Variants in CTNND2 observed in about 807,000 individuals in gnomAD.
The protein encoded by CTNND2 is catenin delta 2.
A neutral mutation model predicts 144.4 loss-of-function variants in CTNND2; 22 were observed. That is an observed-to-expected ratio of 0.15 (90% confidence interval 0.11 to 0.22). The LOEUF (loss-of-function observed/expected upper bound fraction) is 0.22, where lower values mean the gene tolerates loss of function less well. Ranked by LOEUF, CTNND2 falls within the 10% of genes least tolerant of loss-of-function variation. The probability of loss-of-function intolerance (pLI) is 1.00; values close to 1 mark genes in which losing one functional copy is unlikely to be tolerated. For missense variants in CTNND2, 1,353 were observed against 1,618.8 expected (o/e 0.84, Z 2.82); for synonymous variants, 751 against 695.6 (o/e 1.08, Z -1.25).
At chr5:11,053,043 C>G (rs1746004401) in intron 16 of CTNND2, among the ~76,000 whole-genome samples, 1 of 151,996 alleles carries the variant, frequency 6.6e-6, no homozygotes, top group Non-Finnish European at 1.5e-5. Flanking sequence ...TTAATGTAGG[C>G]AATTTACTGA....
chr5:11,559,378 C>T (rs1269168809), intron 3 of CTNND2, among the ~76,000 whole-genome samples: 1 of 152,288 alleles, frequency 6.6e-6, no homozygotes, highest in African/African-American at 2.4e-5. Context: ...AAGGCTGAGA[C>T]AATAAATGTT....
chr5:11,081,104 A>T (rs368073881), intron 16 of CTNND2, among the ~76,000 whole-genome samples: 1 of 147,686 alleles, frequency 6.8e-6, no homozygotes, highest in African/African-American at 2.6e-5. Flanking sequence ...ACACACACAC[A>T]CACTCACACA....
intron 2 of CTNND2, among the ~76,000 whole-genome samples, chr5:11,673,042 C>G (rs748769390): frequency 1.2e-4 from 19 of 152,154 alleles, no homozygotes; most frequent in Non-Finnish European, 2.2e-4. Flanking sequence ...CGGAGCTGAT[C>G]TATGAAACTA....
At chr5:11,183,724 AT>A (rs1395900060) in intron 11 of CTNND2, among the ~76,000 whole-genome samples, 1 of 151,780 alleles carries the variant, frequency 6.6e-6, no homozygotes, top group Non-Finnish European at 1.5e-5. Flanking sequence ...TGCCTGGCTA[AT>A]TTTTTGTATT....
At chr5:11,350,794 C>CA (rs1755252011) in intron 8 of CTNND2, among the ~76,000 whole-genome samples, 1 of 152,186 alleles carries the variant, frequency 6.6e-6, no homozygotes, top group Admixed American at 6.5e-5. Context: ...TAATGGATCT[C>CA]AAACCAACCA....
intron 1 of CTNND2, among the ~76,000 whole-genome samples, chr5:11,886,009 A>G (rs1736502779): frequency 6.6e-6 from 1 of 152,072 alleles, no homozygotes; most frequent in Non-Finnish European, 1.5e-5. Context: ...ACATACCAAA[A>G]CCTATGGAAT....
At chr5:11,102,612 T>A (rs1752008625) in intron 14 of CTNND2, among the ~76,000 whole-genome samples, 2 of 152,156 alleles carry the variant, frequency 1.3e-5, no homozygotes, top group South Asian at 4.1e-4. Flanking sequence ...CCATAAAAAA[T>A]CAGCCAACAG....
intron 1 of CTNND2, among the ~76,000 whole-genome samples, chr5:11,862,696 T>C (rs1795556683): frequency 1.3e-5 from 2 of 152,216 alleles, no homozygotes; most frequent in Admixed American, 1.3e-4. Context: ...AAAGGAGTCT[T>C]CATTTTGCCA....
At chr5:11,854,721 GA>G (rs1465371523) in intron 1 of CTNND2, among the ~76,000 whole-genome samples, 1 of 152,154 alleles carries the variant, frequency 6.6e-6, no homozygotes, top group African/African-American at 2.4e-5. Context: ...AATCAACACT[GA>G]ACTAGGAATT....
At chr5:11,514,549 G>A (rs913906031) in intron 3 of CTNND2, among the ~76,000 whole-genome samples, 2 of 152,130 alleles carry the variant, frequency 1.3e-5, no homozygotes, top group Non-Finnish European at 2.9e-5. Context: ...CAGCTGTCAA[G>A]CTTATTTTAC....
chr5:11,692,999 C>A (rs1784979863), intron 2 of CTNND2, among the ~76,000 whole-genome samples: 1 of 152,216 alleles, frequency 6.6e-6, no homozygotes, highest in Admixed American at 6.5e-5. Flanking sequence ...TTCTGTATTT[C>A]TTCAAAGTTT....
chr5:11,807,828 T>C (rs1453269009), intron 1 of CTNND2, among the ~76,000 whole-genome samples: 1 of 152,180 alleles, frequency 6.6e-6, no homozygotes, highest in Non-Finnish European at 1.5e-5. Context: ...TGAACATATA[T>C]TAAAACAGCC....
chr5:11,622,189 T>C (rs1299905897), intron 2 of CTNND2, among the ~76,000 whole-genome samples: 1 of 152,180 alleles, frequency 6.6e-6, no homozygotes, highest in Non-Finnish European at 1.5e-5. Flanking sequence ...TCATGCAAGT[T>C]GTTCCTCAAG....
intron 16 of CTNND2, among the ~76,000 whole-genome samples, chr5:11,026,884 G>A (rs1159493417): frequency 6.6e-6 from 1 of 152,124 alleles, no homozygotes; most frequent in African/African-American, 2.4e-5. Context: ...AGGTAATGCA[G>A]GGAAACAGGA....
At chr5:11,305,076 G>T (rs71599572) in intron 9 of CTNND2, among the ~76,000 whole-genome samples, 6,706 of 152,266 alleles carry the variant, frequency 0.044, 181 homozygotes, top group Non-Finnish European at 0.055. Context: ...CACTCTCACT[G>T]CCTTGCTCCC....
At chr5:11,521,249 G>A (rs576333124) in intron 3 of CTNND2, among the ~76,000 whole-genome samples, 42 of 152,200 alleles carry the variant, frequency 2.8e-4, no homozygotes, top group African/African-American at 9.1e-4. Flanking sequence ...CTCCCCCAGC[G>A]ATCACAAAGT....
intron 16 of CTNND2, among the ~76,000 whole-genome samples, chr5:11,069,889 G>C (rs182733298): frequency 6.6e-6 from 1 of 152,226 alleles, no homozygotes; most frequent in East Asian, 1.9e-4. Context: ...GAATTTAACT[G>C]GGCTGCAGCT....
At chr5:11,849,395 T>C (rs567218656) in intron 1 of CTNND2, among the ~76,000 whole-genome samples, 1 of 152,166 alleles carries the variant, frequency 6.6e-6, no homozygotes, top group African/African-American at 2.4e-5. Context: ...GAGAAAAAAA[T>C]GAGCCATGAT....
chr5:11,143,525 T>C (rs1344447422), intron 12 of CTNND2, among the ~76,000 whole-genome samples: 1 of 152,198 alleles, frequency 6.6e-6, no homozygotes, highest in Non-Finnish European at 1.5e-5. Context: ...ATGTTCTCCC[T>C]GGGAGTGTGT....
Sources: allele counts gnomAD v4.1 joint callset (sites outside exome capture counted in the v4.1 genomes callset), GRCh38; gene constraint gnomAD v4.1.1; transcripts MANE v1.5; gene names NCBI Gene and HGNC (gene_info 2026-07-23, HGNC 2026-07-21).